Variants in RMP24 observed in about 807,000 individuals in gnomAD.
RMP24 encodes ribonuclease MRP protein subunit p24.
chr18:35,973,386 C>G, the RMP24 span: 7 of 164,614 alleles, frequency 4.3e-5, no homozygotes, highest in Non-Finnish European at 9.3e-5. Flanking sequence ...ATTCTAGACT[C>G]ATATATCCGA....
chr18:35,978,834 G>T, the RMP24 span: 2 of 1,573,812 alleles, frequency 1.3e-6, no homozygotes, highest in South Asian at 1.2e-5. Flanking sequence ...TTTCTTTTCA[G>T]AACACCTACA....
At chr18:35,977,637 TA>T in the RMP24 span, 1 of 1,580,170 alleles carries the variant, frequency 6.3e-7, no homozygotes, top group Non-Finnish European at 8.6e-7. Flanking sequence ...TTGCCAGTGT[TA>T]AGTGTTTTCT....
At chr18:35,977,446 C>T in the RMP24 span, 3 of 1,613,708 alleles carry the variant, frequency 1.9e-6, no homozygotes, top group South Asian at 1.1e-5. Flanking sequence ...AACAGTGAAA[C>T]ATCATGGTAA....
the RMP24 span, chr18:35,979,210 A>G: frequency 6.9e-6 from 3 of 436,736 alleles, no homozygotes; most frequent in African/African-American, 2.0e-5. Context: ...AAAATATATG[A>G]AAGTTCCTTG....
At chr18:35,974,953 A>G in the RMP24 span, 6 of 1,614,172 alleles carry the variant, frequency 3.7e-6, no homozygotes, top group Admixed American at 1.0e-4. Flanking sequence ...TTGGTTCTGG[A>G]TAACTCTCGA....
the RMP24 span, chr18:35,977,554 C>G: frequency 3.7e-6 from 6 of 1,614,150 alleles, no homozygotes; most frequent in South Asian, 6.6e-5. Context: ...AAACCCAAAT[C>G]ATGACATGTC....
At chr18:35,973,610 C>T in the RMP24 span, 1 of 152,252 alleles carries the variant, frequency 6.6e-6, no homozygotes, top group African/African-American at 2.4e-5. Flanking sequence ...GCGAGCAAAT[C>T]CTGTTGGCTT....
At chr18:35,972,713 G>T in the RMP24 span, 1 of 1,600,762 alleles carries the variant, frequency 6.2e-7, no homozygotes, top group Non-Finnish European at 8.5e-7. Context: ...GCGAGCCAGC[G>T]GCAGCGGCGG....
At chr18:35,977,939 G>A in the RMP24 span, among the ~76,000 whole-genome samples, 1 of 152,242 alleles carries the variant, frequency 6.6e-6, no homozygotes, top group South Asian at 2.1e-4. Context: ...CTTATTCTGT[G>A]AATGAACACA....
chr18:35,973,632 C>CA, the RMP24 span: 1 of 152,224 alleles, frequency 6.6e-6, no homozygotes, highest in African/African-American at 2.4e-5. Flanking sequence ...AAAATGTAGC[C>CA]AAAATCAGCC....
chr18:35,976,069 G>A, the RMP24 span, among the ~76,000 whole-genome samples: 2 of 150,930 alleles, frequency 1.3e-5, no homozygotes, highest in Non-Finnish European at 2.9e-5. Context: ...TTGCCCTCAT[G>A]AAGCTTACAT....
chr18:35,973,809 C>T, the RMP24 span: 1 of 152,246 alleles, frequency 6.6e-6, no homozygotes. Flanking sequence ...GTAATCCCAG[C>T]TACTCGAGAG....
At chr18:35,976,138 A>ATTTTTTTTTTTTTTTTTTTTT in the RMP24 span, among the ~76,000 whole-genome samples, 1 of 72,766 alleles carries the variant, frequency 1.4e-5, no homozygotes. Context: ...TGTTTTTCTG[A>ATTTTTTTTTTTTTTTTTTTTT]TTTTTTTTTT....
the RMP24 span, chr18:35,977,285 C>G: frequency 1.2e-6 from 1 of 809,912 alleles, no homozygotes. Flanking sequence ...AGGACAGCCT[C>G]TATTTTACTT....
the RMP24 span, chr18:35,978,692 C>T: frequency 3.9e-3 from 2,641 of 674,576 alleles, 9 homozygotes; most frequent in Non-Finnish European, 5.5e-3. Flanking sequence ...GTCAGAAATT[C>T]CTGAGGAAAT....
chr18:35,976,130 T>G, the RMP24 span, among the ~76,000 whole-genome samples: 1 of 150,038 alleles, frequency 6.7e-6, no homozygotes, highest in African/African-American at 2.5e-5. Flanking sequence ...GAGGTATTTG[T>G]TTTTCTGATT....
chr18:35,973,195 C>T, the RMP24 span: 3 of 551,786 alleles, frequency 5.4e-6, no homozygotes, highest in South Asian at 2.1e-5. Flanking sequence ...ATTTGCTTTG[C>T]TGGTTCCTCC....
At chr18:35,975,061 T>C in the RMP24 span, 6 of 1,613,628 alleles carry the variant, frequency 3.7e-6, no homozygotes, top group Admixed American at 3.3e-5. Context: ...GAAGCAAAAA[T>C]GGTGAAAAAG....
the RMP24 span, chr18:35,972,839 G>A: frequency 6.2e-7 from 1 of 1,614,208 alleles, no homozygotes; most frequent in Non-Finnish European, 8.5e-7. Context: ...GGAGGCGAGC[G>A]GGTAGGTGTT....
Sources: gnomAD v4.1 joint callset for allele counts (sites outside exome capture counted in the v4.1 genomes callset) on GRCh38, gnomAD v4.1.1 for gene constraint, MANE v1.5 for transcripts, NCBI Gene and HGNC (gene_info 2026-07-23, HGNC 2026-07-21) for gene names.